ATP13A4: variants seen among roughly 807,000 people sequenced by gnomAD.
ATP13A4 encodes the protein probable cation-transporting ATPase 13A4.
ATP13A4 carries 114 observed loss-of-function variants against 142.5 expected under a neutral mutation model. The observed-to-expected ratio is 0.80, with a 90% CI of 0.69 to 0.93. ATP13A4 has a LOEUF of 0.93. Ranked by LOEUF, ATP13A4 falls within the 40% of genes least tolerant of loss-of-function variation. The pLI, the probability that ATP13A4 is intolerant of heterozygous loss-of-function variation, is 0.00. For missense variants in ATP13A4, 1,392 were observed against 1,454.0 expected (o/e 0.96, Z 0.69); for synonymous variants, 488 against 514.8 (o/e 0.95, Z 0.70).
At chr3:193,560,303 G>A (rs866489804) in intron 2 of ATP13A4, among the ~76,000 whole-genome samples, 23 of 151,594 alleles carry the variant, frequency 1.5e-4, no homozygotes, top group African/African-American at 5.6e-4. Context: ...CAATCTCATA[G>A]GCCCAAGGGA....
intron 12 of ATP13A4, among the ~76,000 whole-genome samples, chr3:193,463,105 C>T (rs1560205534): frequency 6.6e-6 from 1 of 151,996 alleles, no homozygotes; most frequent in African/African-American, 2.4e-5. Flanking sequence ...CAAGGAGGGG[C>T]ACAATGGGTG....
chr3:193,503,533 A>T (rs1277173950), intron 2 of ATP13A4, among the ~76,000 whole-genome samples: 1 of 152,202 alleles, frequency 6.6e-6, no homozygotes, highest in African/African-American at 2.4e-5. Context: ...CAAACGTGGG[A>T]AAAATTTGAT....
At chr3:193,517,674 C>T (rs1257463713) in intron 1 of ATP13A4, among the ~76,000 whole-genome samples, 3 of 150,484 alleles carry the variant, frequency 2.0e-5, no homozygotes, top group Admixed American at 6.6e-5. Context: ...TTAGTAGAGA[C>T]GGGGTTTCAC....
chr3:193,590,356 C>T (rs913775592), intron 1 of ATP13A4, among the ~76,000 whole-genome samples: 1 of 152,030 alleles, frequency 6.6e-6, no homozygotes, highest in African/African-American at 2.4e-5. Context: ...TCATAAGTCT[C>T]GATGGGGTGA....
chr3:193,492,574 G>A (rs897060334), intron 5 of ATP13A4, among the ~76,000 whole-genome samples: 9 of 152,048 alleles, frequency 5.9e-5, no homozygotes, highest in Non-Finnish European at 8.8e-5. Context: ...AACTTTGTAT[G>A]GAGTAGAAAG....
At chr3:193,573,508 C>T (rs959101627) in intron 2 of ATP13A4, among the ~76,000 whole-genome samples, 4 of 151,716 alleles carry the variant, frequency 2.6e-5, no homozygotes, top group East Asian at 1.9e-4. Flanking sequence ...TTCTCACTGC[C>T]GCTGCAACAG....
intron 1 of ATP13A4, among the ~76,000 whole-genome samples, chr3:193,582,374 C>T (rs1724566965): frequency 1.3e-5 from 2 of 149,338 alleles, no homozygotes; most frequent in South Asian, 4.2e-4. Context: ...TTCTCCATCT[C>T]CTGACCTTGT....
At chr3:193,432,525 G>C (rs1343452790) in intron 25 of ATP13A4, among the ~76,000 whole-genome samples, 1 of 152,060 alleles carries the variant, frequency 6.6e-6, no homozygotes, top group African/African-American at 2.4e-5. Flanking sequence ...TAAATCAACT[G>C]TGGTACATAC....
intron 1 of ATP13A4, chr3:193,553,820 A>T (rs748179882): frequency 2.0e-5 from 3 of 152,254 alleles, no homozygotes; most frequent in Non-Finnish European, 4.4e-5. Context: ...TGTAATAGTC[A>T]GGGCTAAAGC....
intron 18 of ATP13A4, among the ~76,000 whole-genome samples, chr3:193,446,004 A>T (rs1284321258): frequency 6.6e-6 from 1 of 151,860 alleles, no homozygotes; most frequent in Non-Finnish European, 1.5e-5. Flanking sequence ...AATTATAAAA[A>T]GATACAATCT....
At chr3:193,563,993 T>TA in intron 2 of ATP13A4, among the ~76,000 whole-genome samples, 1 of 152,154 alleles carries the variant, frequency 6.6e-6, no homozygotes, top group Non-Finnish European at 1.5e-5. Context: ...TTTTCTTCCC[T>TA]AAAAAAATAT....
chr3:193,441,437 A>G, intron 20 of ATP13A4, 29 bp downstream of exon 20: 1 of 1,612,694 alleles, frequency 6.2e-7, no homozygotes, highest in African/African-American at 1.3e-5. Context: ...GCATTTTCAT[A>G]GGGAGATTGT....
At position 193,582,073 on chromosome 3, in the gene ATP13A4, G is replaced by A. The variant is rs184420355; in HGVS notation, n.92-167C>T. Among the ~76,000 whole-genome samples, 106 of 144,076 alleles carry A rather than the reference G, an allele frequency of 7.4e-4. No homozygotes were observed. In the East Asian group the frequency reaches 0.02, roughly 28 times the overall value. 94.5% of individuals were successfully genotyped at this position (144,076 alleles called of 152,430 possible). ...TTTCTAATTAATTACTAAAATACCT[G>A]AAAAGACTTCCATATATATATATAT... is the stretch of plus-strand genomic sequence containing the variant. On this transcript the variant is annotated intron_variant and non_coding_transcript_variant, in intron 1 of 3. Coordinates refer to the ATP13A4 transcript ENST00000489140.
chr3:193,422,070 C>T (rs1247141565), intron 25 of ATP13A4, among the ~76,000 whole-genome samples: 1 of 149,528 alleles, frequency 6.7e-6, no homozygotes, highest in African/African-American at 2.5e-5. Flanking sequence ...TCCTTAGAGA[C>T]ACAAATAAGC....
Position 193,583,026 on chromosome 3 carries a change from A to C in ATP13A4, n.92-1120T>G, listed in dbSNP as rs114346698. On this transcript the variant is annotated intron_variant and non_coding_transcript_variant, in intron 1 of 3. Transcript: ENST00000489140. ...TATATATGTATATTATATAGATATA[A>C]AAAATATATATGTATAACAATGAAA... 4.0e-3 allele frequency among the ~76,000 whole-genome samples: 546 copies of C among 137,562 alleles called. 11 individuals are homozygous for C. Among genetic ancestry groups the C allele is most frequent in the African/African-American group, 0.015 (493 of 33,356 alleles). 90.2% of individuals were successfully genotyped at this position (137,562 alleles called of 152,430 possible).
At chr3:193,542,470 C>T (rs1470274298) in intron 1 of ATP13A4, among the ~76,000 whole-genome samples, 1 of 151,904 alleles carries the variant, frequency 6.6e-6, no homozygotes, top group Non-Finnish European at 1.5e-5. Flanking sequence ...TAGAAAAAAA[C>T]TACTTTAAAA....
At position 193,466,923 on chromosome 3, in the gene ATP13A4, C is replaced by T. The variant is rs551760429; in HGVS notation, c.1114+393G>A. On this transcript the variant is annotated intron_variant, in intron 10 of 29. Coordinates refer to ENST00000342695, the MANE Select transcript of ATP13A4 (RefSeq NM_032279.4). ...TTTTGTACCTGTAGGTAAGACTTCT[C>T]CTTGTCTATGGGTCCAAAAAAAAAT... is the stretch of plus-strand genomic sequence containing the variant. 3.9e-5 allele frequency among the ~76,000 whole-genome samples: 6 copies of T among 152,104 alleles called. No homozygotes were observed. The East Asian group carries it at 1.2e-3, about 29-fold the overall frequency.
At chr3:193,436,953 A>T (rs1716313895) in intron 23 of ATP13A4, among the ~76,000 whole-genome samples, 1 of 148,040 alleles carries the variant, frequency 6.8e-6, no homozygotes, top group African/African-American at 2.6e-5. Flanking sequence ...AAATGCAAAA[A>T]ATTAGCCGGG....
chr3:193,529,162 C>T (rs1369381622), intron 1 of ATP13A4, among the ~76,000 whole-genome samples: 4 of 151,426 alleles, frequency 2.6e-5, no homozygotes, highest in Non-Finnish European at 5.9e-5. Flanking sequence ...CCCAGCTACT[C>T]GGGAGGCTGA....
Sources: allele counts gnomAD v4.1 joint callset (sites outside exome capture counted in the v4.1 genomes callset), GRCh38; gene constraint gnomAD v4.1.1; transcripts MANE v1.5; gene names NCBI Gene and HGNC (gene_info 2026-07-23, HGNC 2026-07-21).